ATP6V1B2: variants seen among roughly 807,000 people sequenced by gnomAD.
ATP6V1B2 encodes the protein V-type proton ATPase subunit B, brain isoform.
A neutral mutation model predicts 66.7 loss-of-function variants in ATP6V1B2; 23 were observed. That is an observed-to-expected ratio of 0.34 (90% confidence interval 0.25 to 0.49). The LOEUF (loss-of-function observed/expected upper bound fraction) is 0.49, where lower values mean the gene tolerates loss of function less well. Ranked by LOEUF, ATP6V1B2 falls within the 20% of genes least tolerant of loss-of-function variation. ATP6V1B2 has a pLI of 0.99. For synonymous variants in ATP6V1B2, 278 were observed against 236.7 expected (o/e 1.17, Z -1.60); for missense variants, 478 against 650.8 (o/e 0.73, Z 2.89).
Position 20,214,894 on chromosome 8 carries a change from A to G in ATP6V1B2, c.1004A>G (p.Tyr335Cys), listed in dbSNP as rs775220284. ...ATGTATACAGATTTAGCCACGATATATGAACGCGCTGGGCGAGTGGAAGGG... is the reference window on the plus strand; with the variant it reads ...ATGTATACAGATTTAGCCACGATATGTGAACGCGCTGGGCGAGTGGAAGGG... ...GYMYTDLATIYERAGRVEGRN... is the reference protein window; with the variant it reads ...GYMYTDLATICERAGRVEGRN... Residue 335 changes from tyrosine to cysteine, a missense_variant, in exon 10 of 14, where the codon TAT (tyrosine) becomes TGT (cysteine). Physicochemically the swap from Tyr to Cys is radical, Grantham distance 194. This residue lies in a region of ATP6V1B2 where 326 missense variants were observed against 545.6 expected (regional missense o/e 0.60). Transcript: ENST00000276390. 1.2e-6 allele frequency: 2 copies of G among 1,613,708 alleles called. No individual in the cohort carries two copies. Among genetic ancestry groups the G allele is most frequent in the East Asian group, 2.2e-5 (1 of 44,852 alleles).
Position 20,211,309 on chromosome 8 carries a change from A to G in ATP6V1B2, c.596A>G (p.His199Arg). 6.2e-7 allele frequency: 1 copy of G among 1,612,724 alleles called. No individual in the cohort carries two copies. ...ATCTTCTCTGCTGCTGGGCTACCAC[A>G]CAATGAGGTGAGGACTGGGATCGGT... ...IPIFSAAGLP[H>R]NEIAAQICRQ... is the part of the protein sequence containing the mutation. The change falls in exon 6 of 14, where the codon CAC (histidine) becomes CGC (arginine). Residue 199 changes from histidine to arginine, a missense_variant. Transcript: ENST00000276390.
rs371823053 is a variant in ATP6V1B2 at position 20,216,506 on chromosome 8, G to A, written c.1161+11G>A. On this transcript the variant is annotated intron_variant, in intron 11 of 13. Transcript: ENST00000276390. The stretch of plus-strand genomic sequence containing the variant: ...CTGCACAACAGACAGGTACTGGACG[G>A]GAGCAGTGCTGGGAAGCTTGCAGAC... 3.7e-6 allele frequency: 6 copies of A among 1,610,476 alleles called. No homozygotes were observed. In the African/African-American group the frequency reaches 5.4e-5, roughly 14 times the overall value.
intron 2 of ATP6V1B2, among the ~76,000 whole-genome samples, chr8:20,208,709 CT>C (rs201825705): frequency 9.2e-4 from 124 of 134,082 alleles, no homozygotes; most frequent in African/African-American, 1.2e-3. Context: ...TAGTAACTTT[CT>C]TTTTTTTTTT....
chr8:20,216,217 C>T, intron 10 of ATP6V1B2, 196 bp from the exon 11 acceptor site: 1 of 391,948 alleles, frequency 2.6e-6, no homozygotes, highest in Non-Finnish European at 4.6e-6. Flanking sequence ...CCACATTTGG[C>T]TAATGGCTAC....
In ATP6V1B2 at chr8:20,217,201, C is replaced by G. The variant is rs1357587088; in HGVS notation, c.1162-19C>G. On this transcript the variant is annotated intron_variant, in intron 11 of 13. Coordinates refer to ENST00000276390, the MANE Select transcript of ATP6V1B2 (RefSeq NM_001693.4). ...TTTGTACTTAAATATAGTATTTTTTCCCTCTCATTCTACCCAAGATTTATC... is the reference window on the plus strand; with the variant it reads ...TTTGTACTTAAATATAGTATTTTTTGCCTCTCATTCTACCCAAGATTTATC... 4 of 1,576,578 alleles carry G rather than the reference C, an allele frequency of 2.5e-6. No individual in the cohort carries two copies. Among genetic ancestry groups the G allele is most frequent in the African/African-American group, 1.4e-5 (1 of 73,838 alleles).
chr8:20,217,936 A>T (rs1225579602), intron 12 of ATP6V1B2, among the ~76,000 whole-genome samples: 1 of 152,204 alleles, frequency 6.6e-6, no homozygotes, highest in Non-Finnish European at 1.5e-5. Flanking sequence ...GTTTTGTAGA[A>T]CATTAGGAGT....
In ATP6V1B2 at chr8:20,212,987, C is replaced by G. The variant is rs1563812843; in HGVS notation, c.927+82C>G. ...ACTTGTCACTTTGCAAGTTTTCATT[C>G]TTTATGGTTTTTTAATTCCACTGTT... On this transcript the variant is annotated intron_variant, in intron 9 of 13. Coordinates refer to ENST00000276390, the MANE Select transcript of ATP6V1B2 (RefSeq NM_001693.4). 1.9e-6 allele frequency: 3 copies of G among 1,555,012 alleles called. No individual in the cohort carries two copies. The East Asian group carries it at 6.8e-5, about 35-fold the overall frequency.
chr8:20,204,473 T>C lies in ATP6V1B2; in HGVS notation c.137-11T>C, dbSNP rs745604509. ...TTTGACTAAAACTGACTCTTCTGTA[T>C]TTCTTTCCAGCATACAAGACAGTAT... On this transcript the variant is annotated splice_polypyrimidine_tract_variant and intron_variant, in intron 1 of 13. Coordinates refer to ENST00000276390, the MANE Select transcript of ATP6V1B2 (RefSeq NM_001693.4). 2.5e-6 allele frequency: 4 copies of C among 1,610,812 alleles called. No homozygotes were observed. In the South Asian group the frequency reaches 3.3e-5, roughly 13 times the overall value.
In ATP6V1B2 at chr8:20,211,701, A is replaced by G. The variant is rs2072794774; in HGVS notation, c.653A>G (p.Asp218Gly). The change falls in exon 7 of 14, where the codon GAT becomes GGT. Residue 218 changes from aspartate to glycine, a missense_variant. Coordinates refer to ENST00000276390, the MANE Select transcript of ATP6V1B2 (RefSeq NM_001693.4). ...GCTGGTTTGGTAAAGAAATCCAAAG[A>G]TGTAGTAGACTACAGTGAGGAAAAT... Reference protein sequence around the residue: ...RQAGLVKKSKDVVDYSEENFA... With the variant: ...RQAGLVKKSKGVVDYSEENFA... 2.5e-6 allele frequency: 4 copies of G among 1,613,026 alleles called. No individual in the cohort carries two copies. The South Asian group carries it at 4.4e-5, about 18-fold the overall frequency.
At chr8:20,200,169 A>G (rs560019367) in intron 1 of ATP6V1B2, among the ~76,000 whole-genome samples, 5 of 151,360 alleles carry the variant, frequency 3.3e-5, no homozygotes, top group Admixed American at 2.6e-4. Context: ...CGTCCAGCTA[A>G]TTTTTTTTAA....
At chr8:20,210,295 C>A in intron 3 of ATP6V1B2, 51 bp from the exon 4 acceptor site, 1 of 1,464,286 alleles carries the variant, frequency 6.8e-7, no homozygotes, top group Non-Finnish European at 9.5e-7. Flanking sequence ...AATGTAAATG[C>A]CCGTGATCTA....
chr8:20,197,653 G>T (rs544659182), intron 1 of ATP6V1B2, 111 bp downstream of exon 1: 98 of 1,246,348 alleles, frequency 7.9e-5, no homozygotes, highest in Middle Eastern at 2.1e-4. Flanking sequence ...TTTCCCTCCC[G>T]CGTCTCCCCT....
In ATP6V1B2 at chr8:20,210,812, T is replaced by A. The variant is rs186522692; in HGVS notation, c.463+166T>A. On this transcript the variant is annotated intron_variant, in intron 5 of 13. Coordinates refer to ENST00000276390, the MANE Select transcript of ATP6V1B2 (RefSeq NM_001693.4). ...TATTTAATTATATTTTCTTAGAAATTATCGTAAAATTTTATGTATTAATAT... is the reference window on the plus strand; with the variant it reads ...TATTTAATTATATTTTCTTAGAAATAATCGTAAAATTTTATGTATTAATAT... Among the ~76,000 whole-genome samples, 14 of 152,234 alleles carry A rather than the reference T, an allele frequency of 9.2e-5. No individual in the cohort carries two copies. In the East Asian group the frequency reaches 2.1e-3, roughly 23 times the overall value.
At chr8:20,213,810 T>C (rs2072820904) in intron 9 of ATP6V1B2, 1 of 152,208 alleles carries the variant, frequency 6.6e-6, no homozygotes, top group South Asian at 2.1e-4. Context: ...CATATCTTAC[T>C]CTGCTATATT....
intron 2 of ATP6V1B2, among the ~76,000 whole-genome samples, chr8:20,205,097 A>C (rs574150823): frequency 6.6e-6 from 1 of 152,192 alleles, no homozygotes; most frequent in East Asian, 1.9e-4. Flanking sequence ...AAGTTGTACA[A>C]GATTTAGGCA....
chr8:20,215,009 T>G, intron 10 of ATP6V1B2, 41 bp downstream of exon 10: 2 of 1,592,098 alleles, frequency 1.3e-6, no homozygotes, highest in South Asian at 2.2e-5. Flanking sequence ...CTAATCATTT[T>G]AAAGAGAGAG....
chr8:20,221,541 C>G lies in ATP6V1B2; in HGVS notation c.*1139C>G, dbSNP rs1207930840. The G allele has an allele frequency of 1.3e-5, 2 of 152,642 alleles. No individual in the cohort carries two copies. Among genetic ancestry groups the G allele is most frequent in the Non-Finnish European group, 2.9e-5 (2 of 68,056 alleles). The allele number at this position is 152,642 out of a possible 1,614,324, so 9.5% of individuals were successfully genotyped here. A position where few individuals can be genotyped will look rare whatever the true frequency, so the allele number is the denominator to read the frequency against. On this transcript the variant is annotated 3_prime_UTR_variant, in exon 14 of 14. Coordinates refer to ENST00000276390, the MANE Select transcript of ATP6V1B2 (RefSeq NM_001693.4). ...TTACTTGGGTGCAATAGCAACTTCC[C>G]TACCCCGTGCATTCCATCTTTCATG...
intron 1 of ATP6V1B2, chr8:20,204,074 T>C (rs1001090985): frequency 2.2e-6 from 1 of 449,986 alleles, no homozygotes; most frequent in Non-Finnish European, 4.4e-6. Flanking sequence ...TTTTTACTTT[T>C]CTCCCTGAGG....
intron 1 of ATP6V1B2, among the ~76,000 whole-genome samples, chr8:20,202,062 C>G (rs73669740): frequency 0.02 from 3,036 of 152,290 alleles, 99 homozygotes; most frequent in African/African-American, 0.07. Context: ...TCTTAGAGGC[C>G]TCACCTGTCA....
Sources: gnomAD v4.1 joint callset for allele counts (sites outside exome capture counted in the v4.1 genomes callset) on GRCh38, gnomAD v4.1.1 for gene constraint, gnomAD v4.1.1 regional missense constraint, MANE v1.5 for transcripts, NCBI Gene and HGNC (gene_info 2026-07-23, HGNC 2026-07-21) for gene names.